The following PCDHA8 variants were observed in gnomAD, a reference collection of about 807,000 sequenced individuals.
The protein encoded by PCDHA8 is protocadherin alpha 8, also known as protocadherin alpha-8.
A neutral mutation model predicts 61.8 loss-of-function variants in PCDHA8; 53 were observed. The ratio of observed to expected loss-of-function variants is 0.86; its 90% CI spans 0.69 to 1.08. PCDHA8 has a LOEUF of 1.08. PCDHA8 is among the 50% of genes least tolerant of loss of function. The pLI, the probability that PCDHA8 is intolerant of heterozygous loss-of-function variation, is 0.00. For synonymous variants in PCDHA8, 618 were observed against 556.6 expected, an observed-to-expected ratio of 1.11 and a Z score of -1.55; for missense variants, 1,293 against 1,245.0, an observed-to-expected ratio of 1.04 and a Z score of -0.58.
intron 1 of PCDHA8, chr5:140,859,610 T>C (rs2045934130): frequency 6.2e-6 from 1 of 161,780 alleles, no homozygotes; most frequent in African/African-American, 2.4e-5. Context: ...CTTTTTTCTT[T>C]CCTTTCTCTT....
intron 1 of PCDHA8, among the ~76,000 whole-genome samples, chr5:140,945,166 T>C (rs145739178): frequency 2.6e-5 from 4 of 152,112 alleles, no homozygotes; most frequent in African/African-American, 9.6e-5. Context: ...TTGAACTATC[T>C]GAAAAATAAA....
chr5:140,882,302 C>A, intron 1 of PCDHA8: 1 of 1,613,798 alleles, frequency 6.2e-7, no homozygotes, highest in Non-Finnish European at 8.5e-7. Context: ...CCCAAGACCG[C>A]GGCAACTACT....
intron 1 of PCDHA8, among the ~76,000 whole-genome samples, chr5:140,944,243 A>C (rs1202248629): frequency 2.6e-5 from 4 of 152,208 alleles, no homozygotes; most frequent in Non-Finnish European, 2.9e-5. Context: ...GCTGGAGTGC[A>C]GTGATGTGAT....
At chr5:140,917,530 T>C (rs2078244431) in intron 1 of PCDHA8, among the ~76,000 whole-genome samples, 1 of 152,262 alleles carries the variant, frequency 6.6e-6, no homozygotes, top group Admixed American at 6.5e-5. Flanking sequence ...ACGGTTTGTA[T>C]AGTTTTAGGT....
chr5:140,966,373 T>G (rs1554228235), intron 1 of PCDHA8: 1 of 404,624 alleles, frequency 2.5e-6, no homozygotes, highest in African/African-American at 2.1e-5. Flanking sequence ...GGCTGAGCAG[T>G]CCGGGTTCGC....
At chr5:140,979,179 G>T in intron 2 of PCDHA8, 172 bp downstream of exon 2, 1 of 936,772 alleles carries the variant, frequency 1.1e-6, no homozygotes, top group Middle Eastern at 5.5e-4. Flanking sequence ...ATCGCAAATG[G>T]TCAGTGCCAG....
At chr5:140,967,123 C>T in intron 1 of PCDHA8, 1 of 1,612,724 alleles carries the variant, frequency 6.2e-7, no homozygotes, top group Non-Finnish European at 8.5e-7. Context: ...GCTGCCTGCT[C>T]AGCTTGGAAG....
At chr5:141,006,882 G>A (rs1442637421) in intron 3 of PCDHA8, among the ~76,000 whole-genome samples, 1 of 152,204 alleles carries the variant, frequency 6.6e-6, no homozygotes, top group Non-Finnish European at 1.5e-5. Flanking sequence ...GGAATCAAGA[G>A]TTTGATTTCA....
At chr5:140,885,685 A>G (rs2060694021) in intron 1 of PCDHA8, among the ~76,000 whole-genome samples, 1 of 152,198 alleles carries the variant, frequency 6.6e-6, no homozygotes, top group African/African-American at 2.4e-5. Flanking sequence ...TATCTCAAGA[A>G]GCAATAGTGG....
chr5:140,856,319 C>T (rs782092511), intron 1 of PCDHA8: 2 of 1,598,532 alleles, frequency 1.3e-6, no homozygotes, highest in African/African-American at 1.3e-5. Flanking sequence ...TCGGATTGAC[C>T]GCGAGGAGCT....
chr5:140,862,131 G>C (rs375206364), intron 1 of PCDHA8: 1 of 162,230 alleles, frequency 6.2e-6, no homozygotes, highest in Non-Finnish European at 1.4e-5. Context: ...TGTAAAGATA[G>C]GTTTTGAGGA....
intron 3 of PCDHA8, among the ~76,000 whole-genome samples, chr5:141,006,404 G>T (rs1001810745): frequency 6.6e-6 from 1 of 151,938 alleles, no homozygotes; most frequent in Admixed American, 6.6e-5. Flanking sequence ...TAGTAGAGAC[G>T]CGGTTTCACT....
At chr5:140,856,696 A>C (rs2044153599) in intron 1 of PCDHA8, 1 of 1,596,642 alleles carries the variant, frequency 6.3e-7, no homozygotes, top group Non-Finnish European at 8.6e-7. Flanking sequence ...CAACTGATGG[A>C]GGCAAACCTG....
Position 140,841,750 on chromosome 5 carries a change from A to G in PCDHA8, c.429A>G (p.Ser143=), listed in dbSNP as rs1554138520. 3.7e-6 allele frequency: 6 copies of G among 1,613,798 alleles called. No homozygotes were observed. The highest frequency in any genetic ancestry group is 5.1e-6 in the Non-Finnish European group (6 of 1,179,886). The change falls in exon 1 of 4, where the codon TCA becomes TCG. Residue 143 remains serine (S), a synonymous_variant. Coordinates refer to ENST00000531613, the MANE Select transcript of PCDHA8 (RefSeq NM_018911.3). The part of the protein sequence containing the change: ...FRVKDQKLFV[S]ESRMPDSRFP... ...TAAAAGACCAAAAGCTGTTTGTTTC[A>G]GAATCCAGAATGCCAGACTCTCGGT...
chr5:140,937,527 G>A (rs1190290782), intron 1 of PCDHA8, among the ~76,000 whole-genome samples: 3 of 152,250 alleles, frequency 2.0e-5, no homozygotes, highest in Non-Finnish European at 4.4e-5. Flanking sequence ...TGAGGCAGGA[G>A]AATTGCTTGA....
intron 1 of PCDHA8, chr5:140,871,236 ACTCACGCTG>A: frequency 6.2e-7 from 1 of 1,613,908 alleles, no homozygotes; most frequent in Non-Finnish European, 8.5e-7. Context: ...GCCTCCTGGT[ACTCACGCTG>A]CTGCTGTATA....
rs782166832 is a variant in PCDHA8, at chr5:140,882,300, C to G, written c.2394+38585C>G. 1.4e-5 allele frequency: 22 copies of G among 1,613,604 alleles called. No individual in the cohort carries two copies. The East Asian group carries it at 4.5e-4, about 33-fold the overall frequency. The stretch of plus-strand genomic sequence containing the variant: ...TCTTCCTGGCAAGGAGGCCCAAGAC[C>G]GCGGCAACTACTGCTCTGGCTTCTG... On this transcript the variant is annotated intron_variant, in intron 1 of 3. Coordinates refer to ENST00000531613, the MANE Select transcript of PCDHA8 (RefSeq NM_018911.3).
intron 1 of PCDHA8, among the ~76,000 whole-genome samples, chr5:140,892,640 T>C (rs1250881102): frequency 2.0e-5 from 3 of 152,208 alleles, no homozygotes; most frequent in Non-Finnish European, 4.4e-5. Flanking sequence ...ATTGTACATA[T>C]TTATAGGATA....
intron 1 of PCDHA8, chr5:140,884,564 A>C: frequency 6.2e-7 from 1 of 1,614,118 alleles, no homozygotes; most frequent in Non-Finnish European, 8.5e-7. Flanking sequence ...GGGCCCGCAT[A>C]AGACGGACCT....
Sources: allele counts gnomAD v4.1 joint callset (sites outside exome capture counted in the v4.1 genomes callset), GRCh38; gene constraint gnomAD v4.1.1; transcripts MANE v1.5; gene names NCBI Gene and HGNC (gene_info 2026-07-23, HGNC 2026-07-21).